The following RADIL variants were observed in gnomAD, a reference collection of about 807,000 sequenced individuals.
The protein encoded by RADIL is Rap associating with DIL domain.
A neutral mutation model predicts 97.6 loss-of-function variants in RADIL; 99 were observed. The observed-to-expected ratio is 1.01, with a 90% CI of 0.86 to 1.20. The LOEUF is 1.20. RADIL is among the 50% of genes most tolerant of loss of function. RADIL has a pLI of 0.00. For synonymous variants in RADIL, 803 were observed against 691.8 expected (o/e 1.16, Z -2.52); for missense variants, 1,765 against 1,498.9 (o/e 1.18, Z -2.93).
intron 2 of RADIL, chr7:4,860,192 G>T: frequency 6.2e-7 from 1 of 1,614,032 alleles, no homozygotes; most frequent in Non-Finnish European, 8.5e-7. Context: ...CATAGTGCTA[G>T]TAGATGAAGG....
rs1782715833 is a variant in RADIL, at chr7:4,817,756, C to T, written c.1616-405G>A. 6.6e-6 allele frequency among the ~76,000 whole-genome samples: 1 copy of T among 151,712 alleles called. No individual in the cohort carries two copies. Among genetic ancestry groups the T allele is most frequent in the African/African-American group, 2.4e-5 (1 of 40,954 alleles). ...GGTCACAGGACTCTGGCAGCAGCCC[C>T]TGAGTGGCCGCCACTCTGTGGAATC... On this transcript the variant is annotated intron_variant, in intron 6 of 14. Transcript: ENST00000399583. This position sits in a 1 kb window ranked among gnomAD's most constrained non-coding sequence, Gnocchi z 8.3.
rs1457873991 is a variant in RADIL, at chr7:4,824,011, A to G, written c.1455-1457T>C. ...AAGTCTCCATAATCGCACCTGGCGGACACAAATAGCCGTGTGCCCCTGAGC... is the reference window on the plus strand; with the variant it reads ...AAGTCTCCATAATCGCACCTGGCGGGCACAAATAGCCGTGTGCCCCTGAGC... On this transcript the variant is annotated intron_variant, in intron 5 of 14. Transcript: ENST00000399583. This position sits in a 1 kb window ranked among gnomAD's most constrained non-coding sequence, Gnocchi z 6.7. Among the ~76,000 whole-genome samples, 2 of 152,228 alleles carry G rather than the reference A, an allele frequency of 1.3e-5. No homozygotes were observed. Among genetic ancestry groups the G allele is most frequent in the Admixed American group, 1.3e-4 (2 of 15,290 alleles).
chr7:4,865,583 G>T, intron 2 of RADIL: 1 of 795,316 alleles, frequency 1.3e-6, no homozygotes, highest in African/African-American at 1.7e-5. Flanking sequence ...AGGGACCTCG[G>T]ATGTCACAGT....
At chr7:4,811,611 C>G (rs1782551418) in intron 9 of RADIL, among the ~76,000 whole-genome samples, 1 of 150,968 alleles carries the variant, frequency 6.6e-6, no homozygotes, top group South Asian at 2.1e-4. Flanking sequence ...CCTCAGCCTC[C>G]CAAGTAGCTG....
intron 2 of RADIL, chr7:4,860,023 G>C: frequency 6.2e-7 from 1 of 1,613,928 alleles, no homozygotes; most frequent in Non-Finnish European, 8.5e-7. Flanking sequence ...GAGAGACAGC[G>C]TGAGGAATAC....
At chr7:4,875,972 A>G (rs1411926587) in intron 2 of RADIL, among the ~76,000 whole-genome samples, 1 of 152,122 alleles carries the variant, frequency 6.6e-6, no homozygotes, top group African/African-American at 2.4e-5. Flanking sequence ...TTTAAGAGCC[A>G]TAATTAAAGC....
chr7:4,836,917 G>A (rs1395140724), intron 2 of RADIL, among the ~76,000 whole-genome samples: 1 of 152,082 alleles, frequency 6.6e-6, no homozygotes, highest in Non-Finnish European at 1.5e-5. Context: ...CAGCCTGGGT[G>A]ACAAGAGCGA....
chr7:4,863,399 C>G (rs1457461785), intron 2 of RADIL, among the ~76,000 whole-genome samples: 1 of 152,130 alleles, frequency 6.6e-6, no homozygotes, highest in African/African-American at 2.4e-5. Flanking sequence ...TCCAAGAACT[C>G]AGAGTGGTAT....
At position 4,815,362 on chromosome 7, in the gene RADIL, G is replaced by C. The variant is rs747587180; in HGVS notation, c.2055C>G (p.Gly685=). The C allele has an allele frequency of 3.2e-6, 5 of 1,559,918 alleles. No homozygotes were observed. The highest frequency in any genetic ancestry group is 3.5e-6 in the Non-Finnish European group (4 of 1,152,786). Residue 685 remains glycine (G), a synonymous_variant, in exon 9 of 15, where the codon GGC becomes GGG. Coordinates refer to ENST00000399583, the MANE Select transcript of RADIL (RefSeq NM_018059.5). The surrounding 1 kb of genome is among the most constrained non-coding windows in gnomAD (Gnocchi z 8.0). The stretch of plus-strand genomic sequence containing the variant: ...AGAAGTGCTCTCCAGCCGCCCCGAA[G>C]CCGGCGCTCCGCATCCACTCCAGGA... ...QQLLEWMRSA[G]FGAAGEHFFQ...
chr7:4,838,428 C>A (rs185233718), intron 2 of RADIL, among the ~76,000 whole-genome samples: 1 of 152,190 alleles, frequency 6.6e-6, no homozygotes, highest in African/African-American at 2.4e-5. Context: ...GTTGCTTCTC[C>A]TCCTAGAGTC....
chr7:4,800,048 C>T (rs1206085129), intron 13 of RADIL, 123 bp downstream of exon 13: 1 of 1,387,872 alleles, frequency 7.2e-7, no homozygotes, highest in Non-Finnish European at 9.5e-7. Context: ...GAGGCCAACC[C>T]CACTCTCCTC....
chr7:4,823,642 G>C (rs1351868678), intron 5 of RADIL, among the ~76,000 whole-genome samples: 4 of 152,114 alleles, frequency 2.6e-5, no homozygotes, highest in African/African-American at 9.7e-5. Flanking sequence ...GCATCATCAG[G>C]GCTGCCTCCT....
rs1363662573 is a variant in RADIL at position 4,821,881 on chromosome 7, T to C, written c.1615+513A>G. Among the ~76,000 whole-genome samples, 1 of 151,988 alleles carries C rather than the reference T, an allele frequency of 6.6e-6. No individual in the cohort carries two copies. The highest frequency in any genetic ancestry group is 1.9e-4 in the East Asian group (1 of 5,168). ...AAAAAAAGAAAAAGAAATCCCGAAA[T>C]GTGTATTTCCCACATCTTAATCTGT... On this transcript the variant is annotated intron_variant, in intron 6 of 14. Coordinates refer to ENST00000399583, the MANE Select transcript of RADIL (RefSeq NM_018059.5). This position sits in a 1 kb window ranked among gnomAD's most constrained non-coding sequence, Gnocchi z 5.2.
rs1402220675 is a variant in RADIL at position 4,872,497 on chromosome 7, G to A, written c.535+5108C>T. On this transcript the variant is annotated intron_variant, in intron 2 of 14. Coordinates refer to ENST00000399583, the MANE Select transcript of RADIL (RefSeq NM_018059.5). The surrounding 1 kb of genome is among the most constrained non-coding windows in gnomAD (Gnocchi z 5.8). ...ACAAAAACCACATGGCCCTGTCATC[G>A]CCCCTCCCCAGTGCATCTAAGTGGC... is the stretch of plus-strand genomic sequence containing the variant. Among the ~76,000 whole-genome samples the A allele has an allele frequency of 3.3e-5, 5 of 151,540 alleles. No individual in the cohort carries two copies. Among genetic ancestry groups the A allele is most frequent in the Non-Finnish European group, 7.4e-5 (5 of 67,944 alleles).
chr7:4,882,627 G>T (rs1251083239), intron 1 of RADIL, among the ~76,000 whole-genome samples: 1 of 152,178 alleles, frequency 6.6e-6, no homozygotes, highest in East Asian at 1.9e-4. Flanking sequence ...GAGGGAAAAC[G>T]AAGCGCAGAC....
At chr7:4,823,110 G>A (rs952575508) in intron 5 of RADIL, among the ~76,000 whole-genome samples, 5 of 152,082 alleles carry the variant, frequency 3.3e-5, no homozygotes, top group Admixed American at 2.0e-4. Flanking sequence ...TCCATGAATC[G>A]CGGGGTAGCA....
rs899461498 is a variant in RADIL at position 4,818,818 on chromosome 7, G to A, written c.1616-1467C>T. 5.3e-5 allele frequency among the ~76,000 whole-genome samples: 8 copies of A among 152,300 alleles called. No individual in the cohort carries two copies. The highest frequency in any genetic ancestry group is 2.1e-4 in the South Asian group (1 of 4,826). The stretch of plus-strand genomic sequence containing the variant: ...GGGGCACTGGTGGGAAGAGGGAAAC[G>A]GGGCATGGGAATGACAGGAGAAGGT... On this transcript the variant is annotated intron_variant, in intron 6 of 14. Transcript: ENST00000399583. The surrounding 1 kb of genome is among the most constrained non-coding windows in gnomAD (Gnocchi z 7.1).
rs369451164 is a variant in RADIL, at chr7:4,840,103, G to A, written c.536-3498C>T. On this transcript the variant is annotated intron_variant, in intron 2 of 14. Coordinates refer to ENST00000399583, the MANE Select transcript of RADIL (RefSeq NM_018059.5). The surrounding 1 kb of genome is among the most constrained non-coding windows in gnomAD (Gnocchi z 5.6). ...GAAGTTTGAAAGGCCTCTTGCTCAC[G>A]TGTGGCTTTGTGACTTGGCCCTGTC... Among the ~76,000 whole-genome samples the A allele has an allele frequency of 3.2e-4, 48 of 152,258 alleles. No individual in the cohort carries two copies. The East Asian group carries it at 8.3e-3, about 26-fold the overall frequency.
Position 4,854,296 on chromosome 7 carries a change from C to G in RADIL, c.536-17691G>C, listed in dbSNP as rs770626132. 1.3e-5 allele frequency among the ~76,000 whole-genome samples: 2 copies of G among 152,132 alleles called. No individual in the cohort carries two copies. The highest frequency in any genetic ancestry group is 2.9e-5 in the Non-Finnish European group (2 of 68,030). ...TTGTGCCCAAGCTACTCTGACCTGG[C>G]CAAATGCAATTCCAAACTGATGAGG... is the stretch of plus-strand genomic sequence containing the variant. On this transcript the variant is annotated intron_variant, in intron 2 of 14. Coordinates refer to ENST00000399583, the MANE Select transcript of RADIL (RefSeq NM_018059.5). The surrounding 1 kb of genome is among the most constrained non-coding windows in gnomAD (Gnocchi z 5.1).
Sources: allele counts gnomAD v4.1 joint callset (sites outside exome capture counted in the v4.1 genomes callset), GRCh38; gene constraint gnomAD v4.1.1; non-coding constraint Gnocchi (gnomAD v3.1); transcripts MANE v1.5; gene names NCBI Gene and HGNC (gene_info 2026-07-23, HGNC 2026-07-21).